Variants in ADGRB3 observed in about 807,000 individuals in gnomAD.
ADGRB3 encodes the protein adhesion G protein-coupled receptor B3, also known as brain-specific angiogenesis inhibitor 3.
In ADGRB3, 37 loss-of-function variants were observed where a neutral mutation model predicts 193.4. That is an observed-to-expected ratio of 0.19 (90% CI 0.15 to 0.25). The LOEUF (loss-of-function observed/expected upper bound fraction) is 0.25, where lower values mean the gene tolerates loss of function less well. ADGRB3 is among the 10% of genes least tolerant of loss of function. The probability of loss-of-function intolerance (pLI) is 1.00; values close to 1 mark genes in which losing one functional copy is unlikely to be tolerated. For missense variants in ADGRB3, 1,637 were observed against 1,852.9 expected (o/e 0.88, Z 2.14); for synonymous variants, 690 against 644.2 (o/e 1.07, Z -1.08).
intron 3 of ADGRB3, among the ~76,000 whole-genome samples, chr6:68,787,916 C>G (rs908250871): frequency 6.6e-6 from 1 of 152,042 alleles, no homozygotes; most frequent in African/African-American, 2.4e-5. Flanking sequence ...TATCCATTTC[C>G]TCTAGATTTT....
At chr6:68,814,575 G>T (rs570272697) in intron 3 of ADGRB3, among the ~76,000 whole-genome samples, 2 of 152,020 alleles carry the variant, frequency 1.3e-5, no homozygotes, top group African/African-American at 4.8e-5. Context: ...TGTCAATTTT[G>T]GCTTTTGTTG....
intron 3 of ADGRB3, among the ~76,000 whole-genome samples, chr6:68,694,433 C>T (rs550924237): frequency 4.8e-4 from 73 of 151,942 alleles, no homozygotes; most frequent in Non-Finnish European, 7.5e-4. Context: ...TGAGATTTAT[C>T]GAAGTTTGAG....
At chr6:69,193,448 C>A (rs1765235824) in intron 17 of ADGRB3, among the ~76,000 whole-genome samples, 1 of 152,094 alleles carries the variant, frequency 6.6e-6, no homozygotes, top group Admixed American at 6.6e-5. Flanking sequence ...TGTGCTTCGG[C>A]ATCTATACTT....
At chr6:68,958,099 G>A (rs1768129222) in intron 8 of ADGRB3, among the ~76,000 whole-genome samples, 1 of 152,108 alleles carries the variant, frequency 6.6e-6, no homozygotes, top group Non-Finnish European at 1.5e-5. Flanking sequence ...TACGCAGGAG[G>A]CTGAGGAAGG....
chr6:68,919,659 G>C (rs1465368232), intron 3 of ADGRB3, among the ~76,000 whole-genome samples: 1 of 152,038 alleles, frequency 6.6e-6, no homozygotes. Context: ...TGTCAGCCTT[G>C]AAAGCCAAGG....
At chr6:69,201,620 T>G (rs1415178159) in intron 17 of ADGRB3, among the ~76,000 whole-genome samples, 2 of 152,090 alleles carry the variant, frequency 1.3e-5, no homozygotes, top group Non-Finnish European at 2.9e-5. Context: ...TTTATCTTCC[T>G]TATATGCCTG....
chr6:68,871,868 C>A (rs138821026), intron 3 of ADGRB3, among the ~76,000 whole-genome samples: 1 of 151,944 alleles, frequency 6.6e-6, no homozygotes, highest in African/African-American at 2.4e-5. Flanking sequence ...TACCTAAAGG[C>A]GAGAAAGAAC....
intron 17 of ADGRB3, among the ~76,000 whole-genome samples, chr6:69,120,856 G>A (rs1036308295): frequency 3.0e-4 from 45 of 152,286 alleles, no homozygotes; most frequent in Non-Finnish European, 4.9e-4. Context: ...CTATGTGTGT[G>A]ACACAGTAGA....
chr6:68,938,054 T>A (rs941873332), intron 5 of ADGRB3, among the ~76,000 whole-genome samples: 1 of 151,752 alleles, frequency 6.6e-6, no homozygotes, highest in Non-Finnish European at 1.5e-5. Context: ...AACAAAGCAG[T>A]AGATGAAGTA....
At chr6:69,025,264 A>T (rs1770398497) in intron 13 of ADGRB3, among the ~76,000 whole-genome samples, 1 of 152,108 alleles carries the variant, frequency 6.6e-6, no homozygotes, top group Non-Finnish European at 1.5e-5. Context: ...TCAGCACCAA[A>T]CCTATGTTCT....
Position 68,779,228 on chromosome 6 carries a change from T to TTGTG in ADGRB3, c.757+139797_757+139798insGTGT, listed in dbSNP as rs758753009. ...ATTTTGTATTGTATATATGTATATA[T>TTGTG]TATGTGTGTGTGTGTGTGTGTGTGT... is the stretch of plus-strand genomic sequence containing the variant. On this transcript the variant is annotated intron_variant, in intron 3 of 31. Coordinates refer to ENST00000370598, the MANE Select transcript of ADGRB3 (RefSeq NM_001704.3). Among the ~76,000 whole-genome samples, 126 of 93,382 alleles carry TTGTG rather than the reference T, an allele frequency of 1.3e-3. 1 individual carries two copies. The highest frequency in any genetic ancestry group is 5.7e-3 in the Middle Eastern group (1 of 174). The allele number at this position is 93,382 out of a possible 152,430, so 61.3% of individuals were successfully genotyped here. A position where few individuals can be genotyped will look rare whatever the true frequency, so the allele number is the denominator to read the frequency against.
intron 3 of ADGRB3, among the ~76,000 whole-genome samples, chr6:68,752,007 C>T (rs993434714): frequency 2.0e-5 from 3 of 152,050 alleles, no homozygotes; most frequent in African/African-American, 7.3e-5. Flanking sequence ...ATTCATCCCA[C>T]ATCAACTTAT....
chr6:69,388,865 G>A lies in ADGRB3; in HGVS notation c.4543G>A (p.Glu1515Lys). 1 of 1,612,498 alleles carries A rather than the reference G, an allele frequency of 6.2e-7. No individual in the cohort carries two copies. The change falls in exon 32 of 32, where the codon GAG becomes AAG. Residue 1515 changes from glutamate (E) to lysine (K), a missense_variant. Physicochemically the swap from Glu to Lys is moderately conservative, Grantham distance 56 (BLOSUM62 1). This residue lies in a region of ADGRB3 where 368 missense variants were observed against 367.4 expected (regional missense o/e 1.00). Transcript: ENST00000370598. ...TCTGAATTTGCCTCTGGATGTGCAAGAGGGTGACTTTCAAACAGAAGTTTA... is the reference window on the plus strand; with the variant it reads ...TCTGAATTTGCCTCTGGATGTGCAAAAGGGTGACTTTCAAACAGAAGTTTA... ...KCLNLPLDVQ[E>K]GDFQTEV
chr6:69,068,924 T>G (rs1237453885), intron 16 of ADGRB3, among the ~76,000 whole-genome samples: 1 of 152,038 alleles, frequency 6.6e-6, no homozygotes, highest in Admixed American at 6.5e-5. Flanking sequence ...CTGCTTTAGC[T>G]AAAGCCAATT....
intron 3 of ADGRB3, among the ~76,000 whole-genome samples, chr6:68,730,059 G>GA (rs1765744102): frequency 6.6e-6 from 1 of 151,036 alleles, no homozygotes; most frequent in African/African-American, 2.4e-5. Flanking sequence ...TAATTAAATA[G>GA]AAAAATGTTG....
chr6:69,299,743 G>A (rs1767909668), intron 20 of ADGRB3, among the ~76,000 whole-genome samples: 1 of 151,720 alleles, frequency 6.6e-6, no homozygotes, highest in Non-Finnish European at 1.5e-5. Context: ...TAATCTATGT[G>A]TCTGTATTTA....
chr6:69,131,639 A>G (rs1774013084), intron 17 of ADGRB3, among the ~76,000 whole-genome samples: 1 of 151,868 alleles, frequency 6.6e-6, no homozygotes, highest in Admixed American at 6.6e-5. Context: ...TTATTTTTTT[A>G]ATAATACTTT....
At chr6:68,946,353 A>G (rs939368230) in intron 6 of ADGRB3, among the ~76,000 whole-genome samples, 2 of 152,114 alleles carry the variant, frequency 1.3e-5, no homozygotes, top group African/African-American at 2.4e-5. Flanking sequence ...TCAACTATCA[A>G]TGAGATGTAA....
At chr6:69,290,815 T>C (rs1350185288) in intron 20 of ADGRB3, among the ~76,000 whole-genome samples, 1 of 152,146 alleles carries the variant, frequency 6.6e-6, no homozygotes, top group Non-Finnish European at 1.5e-5. Flanking sequence ...TTTAAAGATA[T>C]GTTAGTGTTT....
Sources: allele counts gnomAD v4.1 joint callset (sites outside exome capture counted in the v4.1 genomes callset), GRCh38; gene constraint gnomAD v4.1.1; regional missense constraint gnomAD v4.1.1; transcripts MANE v1.5; gene names NCBI Gene and HGNC (gene_info 2026-07-23, HGNC 2026-07-21).